The following ODAD2 variants were observed in gnomAD, a reference collection of about 807,000 sequenced individuals.
ODAD2 encodes the protein outer dynein arm docking complex subunit 2.
ODAD2 carries 89 observed loss-of-function variants against 106.8 expected under a neutral mutation model. That is an observed-to-expected ratio of 0.83 (90% CI 0.70 to 0.99). The LOEUF (loss-of-function observed/expected upper bound fraction) is 0.99, where lower values mean the gene tolerates loss of function less well. Among genes scored for constraint, ODAD2 ranks in the 50% least tolerant of loss-of-function variants. The pLI, the probability that ODAD2 is intolerant of heterozygous loss-of-function variation, is 0.00. For synonymous variants in ODAD2, 404 were observed against 436.2 expected (o/e 0.93, Z 0.92); for missense variants, 1,168 against 1,238.5 (o/e 0.94, Z 0.85).
At chr10:27,924,291 G>C (rs1263908506) in intron 16 of ODAD2, among the ~76,000 whole-genome samples, 2 of 151,102 alleles carry the variant, frequency 1.3e-5, no homozygotes, top group Non-Finnish European at 2.9e-5. Context: ...AAGCAACTGG[G>C]CTAACAGGGG....
chr10:27,935,532 T>C (rs1845910039), intron 15 of ODAD2, among the ~76,000 whole-genome samples: 1 of 152,066 alleles, frequency 6.6e-6, no homozygotes, highest in Non-Finnish European at 1.5e-5. Flanking sequence ...TAGGGTTTTT[T>C]CCCCCTATCT....
At chr10:27,861,869 T>C (rs1045603478) in intron 18 of ODAD2, among the ~76,000 whole-genome samples, 2 of 152,190 alleles carry the variant, frequency 1.3e-5, no homozygotes, top group Admixed American at 6.5e-5. Flanking sequence ...CAAGCATCCT[T>C]CCAGGGTTTG....
chr10:27,845,684 G>A (rs1304529933), intron 19 of ODAD2, among the ~76,000 whole-genome samples: 1 of 152,194 alleles, frequency 6.6e-6, no homozygotes, highest in Non-Finnish European at 1.5e-5. Context: ...CCCATCTCAT[G>A]TGCAGAGACA....
At chr10:27,843,586 T>C (rs7894399) in intron 19 of ODAD2, among the ~76,000 whole-genome samples, 4,107 of 152,106 alleles carry the variant, frequency 0.027, 176 homozygotes, top group African/African-American at 0.095. Context: ...ACCAACATGA[T>C]GAAACACCAC....
chr10:27,861,224 T>C (rs1231598044), intron 18 of ODAD2, among the ~76,000 whole-genome samples: 1 of 152,230 alleles, frequency 6.6e-6, no homozygotes, highest in African/African-American at 2.4e-5. Flanking sequence ...ACTCCTGGCC[T>C]CAAGTGATCC....
chr10:27,956,683 T>A (rs1191587818), intron 10 of ODAD2, among the ~76,000 whole-genome samples: 1 of 152,218 alleles, frequency 6.6e-6, no homozygotes, highest in Non-Finnish European at 1.5e-5. Flanking sequence ...CTCAATGTTT[T>A]ACTGGATTTA....
rs192286996 is a variant in ODAD2, at chr10:27,991,819, T to C, written c.224+3100A>G. ...GGATAATCTTGGCCTTACACATGGA[T>C]GCCCAGACCTGAGTCCTGTCTGGAA... On this transcript the variant is annotated intron_variant, in intron 2 of 19. Transcript: ENST00000305242. Among the ~76,000 whole-genome samples, 3 of 152,270 alleles carry C rather than the reference T, an allele frequency of 2.0e-5. No individual in the cohort carries two copies. In the East Asian group the frequency reaches 5.8e-4, roughly 29 times the overall value.
At chr10:27,922,974 TA>T (rs1334843622) in intron 16 of ODAD2, among the ~76,000 whole-genome samples, 1 of 145,014 alleles carries the variant, frequency 6.9e-6, no homozygotes, top group Non-Finnish European at 1.5e-5. Context: ...AGTGAATGAT[TA>T]AATAAGAAGG....
chr10:27,907,079 C>T (rs996448435), intron 17 of ODAD2, among the ~76,000 whole-genome samples: 1 of 151,962 alleles, frequency 6.6e-6, no homozygotes, highest in Non-Finnish European at 1.5e-5. Flanking sequence ...ATCTCTAAAC[C>T]TATAGAAAAA....
At chr10:27,812,922 C>A (rs747499395) in intron 19 of ODAD2, among the ~76,000 whole-genome samples, 1 of 152,130 alleles carries the variant, frequency 6.6e-6, no homozygotes, top group Admixed American at 6.5e-5. Context: ...TCTTTTCTGT[C>A]TTTTCCACCT....
chr10:27,862,095 G>A (rs1254137986), intron 18 of ODAD2, among the ~76,000 whole-genome samples: 1 of 152,182 alleles, frequency 6.6e-6, no homozygotes, highest in Non-Finnish European at 1.5e-5. Flanking sequence ...ACGTTGGCAT[G>A]AAGAACCATC....
chr10:27,885,532 A>AT (rs1842039861), intron 17 of ODAD2, among the ~76,000 whole-genome samples: 4 of 8,710 alleles, frequency 4.6e-4, no homozygotes, highest in Non-Finnish European at 7.7e-4. Context: ...AAAAAAAAAA[A>AT]AATATATATA....
In ODAD2 at chr10:27,954,301, T is replaced by C. The variant is rs537541703; in HGVS notation, c.1386+7267A>G. On this transcript the variant is annotated intron_variant, in intron 10 of 19. Coordinates refer to ENST00000305242, the MANE Select transcript of ODAD2 (RefSeq NM_018076.5). ...AAATGAATTTTAGGGGAAAAGCATA[T>C]TTTAAGGAACAAAAATAAGTGTTGT... is the stretch of plus-strand genomic sequence containing the variant. Among the ~76,000 whole-genome samples, 3 of 152,312 alleles carry C rather than the reference T, an allele frequency of 2.0e-5. No individual in the cohort carries two copies. In the South Asian group the frequency reaches 6.2e-4, roughly 32 times the overall value.
chr10:27,926,656 C>T (rs570303214), intron 16 of ODAD2, among the ~76,000 whole-genome samples: 2 of 152,124 alleles, frequency 1.3e-5, no homozygotes, highest in East Asian at 3.9e-4. Flanking sequence ...TCCATAAGTC[C>T]AATGCTATTT....
At chr10:27,818,886 C>G (rs1430069901) in intron 19 of ODAD2, among the ~76,000 whole-genome samples, 1 of 152,168 alleles carries the variant, frequency 6.6e-6, no homozygotes, top group Non-Finnish European at 1.5e-5. Context: ...AAATCACTAT[C>G]AAACCATAGT....
At chr10:27,959,884 GATTT>G (rs1848004714) in intron 10 of ODAD2, among the ~76,000 whole-genome samples, 1 of 151,998 alleles carries the variant, frequency 6.6e-6, no homozygotes, top group Non-Finnish European at 1.5e-5. Context: ...ATAAATGCAT[GATTT>G]ATTATTATTA....
At chr10:27,835,187 T>C (rs1032794408) in intron 19 of ODAD2, among the ~76,000 whole-genome samples, 3 of 152,172 alleles carry the variant, frequency 2.0e-5, no homozygotes, top group African/African-American at 7.2e-5. Flanking sequence ...ACAGGACCCA[T>C]CTACATGGCT....
chr10:27,858,212 A>AT (rs567887431), intron 19 of ODAD2, among the ~76,000 whole-genome samples: 1 of 151,836 alleles, frequency 6.6e-6, no homozygotes, highest in African/African-American at 2.4e-5. Context: ...CCACACCCAC[A>AT]TTTTTTTCCT....
At chr10:27,856,978 AAAT>A (rs911362177) in intron 19 of ODAD2, among the ~76,000 whole-genome samples, 9 of 152,140 alleles carry the variant, frequency 5.9e-5, no homozygotes, top group African/African-American at 1.2e-4. Flanking sequence ...AAAAATAAAT[AAAT>A]AATAATAATA....
Sources: allele counts gnomAD v4.1 joint callset (sites outside exome capture counted in the v4.1 genomes callset), GRCh38; gene constraint gnomAD v4.1.1; transcripts MANE v1.5; gene names NCBI Gene and HGNC (gene_info 2026-07-23, HGNC 2026-07-21).